BRPF3: variants seen among roughly 807,000 people sequenced by gnomAD.
BRPF3 encodes the protein bromodomain and PHD finger containing 3.
BRPF3 carries 18 observed loss-of-function variants against 102.0 expected under a neutral mutation model. The observed-to-expected ratio is 0.18, with a 90% CI of 0.12 to 0.26. The LOEUF is 0.26. BRPF3 is among the 10% of genes least tolerant of loss of function. The probability of loss-of-function intolerance (pLI) is 1.00; values close to 1 mark genes in which losing one functional copy is unlikely to be tolerated. For synonymous variants in BRPF3, 570 were observed against 614.2 expected (o/e 0.93, Z 1.06); for missense variants, 1,147 against 1,567.8 (o/e 0.73, Z 4.53).
intron 6 of BRPF3, 156 bp from the exon 7 acceptor site, chr6:36,211,102 T>A (rs1768089007): frequency 1.3e-6 from 1 of 796,214 alleles, no homozygotes; most frequent in Non-Finnish European, 2.0e-6. Context: ...TTCTGGGCAG[T>A]GGTGTTGCAG....
At chr6:36,211,960 A>G (rs897874936) in intron 7 of BRPF3, among the ~76,000 whole-genome samples, 6 of 152,170 alleles carry the variant, frequency 3.9e-5, no homozygotes, top group Admixed American at 6.5e-5. Flanking sequence ...ACCTTGTAAC[A>G]TCACGTGGAG....
At position 36,201,202 on chromosome 6, in the gene BRPF3, A is replaced by T. The variant is rs780116261; in HGVS notation, c.880A>T (p.Ile294Phe). The change falls in exon 2 of 13, where the codon ATC becomes TTC. Residue 294 changes from isoleucine to phenylalanine, a missense_variant. Coordinates refer to ENST00000357641, the MANE Select transcript of BRPF3 (RefSeq NM_015695.3). The surrounding 1 kb of genome is among the most constrained non-coding windows in gnomAD (Gnocchi z 5.1). ...GCACTGGGCCCATGTGGTGTGTGCC[A>T]TCTGGATCCCTGAAGTCTGCTTTGC... ...DGHWAHVVCA[I>F]WIPEVCFANT... 8 of 1,614,134 alleles carry T rather than the reference A, an allele frequency of 5.0e-6. No individual in the cohort carries two copies. The highest frequency in any genetic ancestry group is 1.1e-5 in the South Asian group (1 of 91,086).
chr6:36,214,470 A>G, intron 8 of BRPF3, 84 bp downstream of exon 8: 1 of 1,439,754 alleles, frequency 6.9e-7, no homozygotes, highest in Non-Finnish European at 9.2e-7. Context: ...CCAATTGGCC[A>G]TCTCTCTAAT....
At position 36,231,824 on chromosome 6, in the gene BRPF3, G is replaced by A. The variant is rs1421794627; in HGVS notation, c.*1215G>A. 1.3e-5 allele frequency: 2 copies of A among 152,576 alleles called. No individual in the cohort carries two copies. The highest frequency in any genetic ancestry group is 2.9e-5 in the Non-Finnish European group (2 of 68,042). 9.5% of individuals were successfully genotyped at this position (152,576 alleles called of 1,614,324 possible). On this transcript the variant is annotated 3_prime_UTR_variant, in exon 13 of 13. Coordinates refer to ENST00000357641, the MANE Select transcript of BRPF3 (RefSeq NM_015695.3). ...AAAAATGGAAGGAAAAAAAAACTGT[G>A]AATGGGGAATGCTGACTGACAAACC...
chr6:36,200,839 G>C lies in BRPF3; in HGVS notation c.517G>C (p.Val173Leu), dbSNP rs1257505884. Reference protein sequence around the residue: ...WLDMVNEKRRVDGHSLVSADT... With the variant: ...WLDMVNEKRRLDGHSLVSADT... ...GGACATGGTGAATGAAAAACGGCGA[G>C]TAGATGGGCACAGTTTGGTGTCTGC... The change falls in exon 2 of 13, where the codon GTA becomes CTA. Residue 173 changes from valine to leucine, a missense_variant. Val to Leu is a conservative substitution (Grantham distance 32). Coordinates refer to ENST00000357641, the MANE Select transcript of BRPF3 (RefSeq NM_015695.3). The surrounding 1 kb of genome is among the most constrained non-coding windows in gnomAD (Gnocchi z 5.3). 3 of 1,614,086 alleles carry C rather than the reference G, an allele frequency of 1.9e-6. No individual in the cohort carries two copies. Among genetic ancestry groups the C allele is most frequent in the Non-Finnish European group, 2.5e-6 (3 of 1,180,044 alleles).
At chr6:36,213,314 G>A (rs1561827433) in intron 7 of BRPF3, among the ~76,000 whole-genome samples, 1 of 152,220 alleles carries the variant, frequency 6.6e-6, no homozygotes, top group Non-Finnish European at 1.5e-5. Context: ...GTATGGGATG[G>A]AGCCTAGGCA....
intron 8 of BRPF3, among the ~76,000 whole-genome samples, chr6:36,215,100 T>G (rs771744002): frequency 6.6e-5 from 10 of 151,910 alleles, no homozygotes; most frequent in Non-Finnish European, 1.0e-4. Context: ...GTTCCATCAC[T>G]AAAGAGAGGG....
intron 11 of BRPF3, among the ~76,000 whole-genome samples, chr6:36,226,992 A>G (rs2127297550): frequency 6.6e-6 from 1 of 152,384 alleles, no homozygotes; most frequent in South Asian, 2.1e-4. Flanking sequence ...AATACCTCAC[A>G]ATGCAAAAAA....
At chr6:36,211,079 C>T (rs1768087775) in intron 6 of BRPF3, 179 bp from the exon 7 acceptor site, 1 of 673,506 alleles carries the variant, frequency 1.5e-6, no homozygotes. Context: ...CTGACCTTGC[C>T]CCTGTGGCTG....
chr6:36,212,403 G>A (rs1193216041), intron 7 of BRPF3, among the ~76,000 whole-genome samples: 1 of 151,994 alleles, frequency 6.6e-6, no homozygotes, highest in Non-Finnish European at 1.5e-5. Context: ...ATTTTAGGTT[G>A]GCAGAGAATG....
chr6:36,204,997 G>A (rs1767856259), intron 3 of BRPF3, among the ~76,000 whole-genome samples, 183 bp downstream of exon 3: 1 of 152,160 alleles, frequency 6.6e-6, no homozygotes, highest in Non-Finnish European at 1.5e-5. Flanking sequence ...GCTCCTTCTG[G>A]ATGGATGAGG....
At chr6:36,218,086 A>T in intron 9 of BRPF3, 76 bp downstream of exon 9, 5 of 1,272,602 alleles carry the variant, frequency 3.9e-6, no homozygotes, top group East Asian at 5.1e-5. Flanking sequence ...TACAGATTGA[A>T]CCTCTTCCTG....
chr6:36,199,260 C>T (rs976840697), intron 1 of BRPF3, among the ~76,000 whole-genome samples: 1 of 152,186 alleles, frequency 6.6e-6, no homozygotes, highest in Non-Finnish European at 1.5e-5. Context: ...CTACTGTGAA[C>T]TGCGCATGTG....
chr6:36,227,045 A>G (rs1453889908), intron 11 of BRPF3, among the ~76,000 whole-genome samples: 1 of 152,250 alleles, frequency 6.6e-6, no homozygotes, highest in African/African-American at 2.4e-5. Context: ...CCTCTTAATT[A>G]TACATTTTGT....
Position 36,200,775 on chromosome 6 carries a change from G to C in BRPF3, c.453G>C (p.Glu151Asp), listed in dbSNP as rs1024099176. 5 of 1,614,190 alleles carry C rather than the reference G, an allele frequency of 3.1e-6. No individual in the cohort carries two copies. Among genetic ancestry groups the C allele is most frequent in the Non-Finnish European group, 4.2e-6 (5 of 1,180,040 alleles). Residue 151 changes from glutamate (E) to aspartate (D), a missense_variant, in exon 2 of 13, where the codon GAG becomes GAC. Coordinates refer to ENST00000357641, the MANE Select transcript of BRPF3 (RefSeq NM_015695.3). This position sits in a 1 kb window ranked among gnomAD's most constrained non-coding sequence, Gnocchi z 5.3. ...IEKPPEDLDA[E>D]VEYDMDEEDL... ...AGCCACCTGAAGACCTGGATGCAGAGGTAGAGTATGACATGGATGAGGAGG... is the reference window on the plus strand; with the variant it reads ...AGCCACCTGAAGACCTGGATGCAGACGTAGAGTATGACATGGATGAGGAGG...
Position 36,213,892 on chromosome 6 carries a change from T to C in BRPF3, c.2495T>C (p.Leu832Pro), listed in dbSNP as rs1205765449. The change falls in exon 8 of 13, where the codon CTG (leucine) becomes CCG (proline). Residue 832 changes from leucine (L) to proline (P), a missense_variant. Around this residue, in one of 11 missense-constraint regions of BRPF3, gnomAD observed 379 missense variants for 426.3 expected, o/e 0.89. Coordinates refer to ENST00000357641, the MANE Select transcript of BRPF3 (RefSeq NM_015695.3). The part of the protein sequence containing the change: ...EDDGDRDDSK[L>P]PPPPTLEPTG... ...TTTTTTCTAATAGATGACTCCAAACTGCCTCCTCCGCCAACCCTGGAGCCC... is the reference window on the plus strand; with the variant it reads ...TTTTTTCTAATAGATGACTCCAAACCGCCTCCTCCGCCAACCCTGGAGCCC... 6.2e-7 allele frequency: 1 copy of C among 1,600,252 alleles called. No homozygotes were observed. Among genetic ancestry groups the C allele is most frequent in the East Asian group, 2.2e-5 (1 of 44,692 alleles).
In BRPF3 at chr6:36,200,470, C is replaced by G; in HGVS notation, c.148C>G (p.His50Asp). ...CGAGGTAGACATTGATGGACGCCTG[C>G]ATCGTATCAGCATCTATGACCCACT... ...IVEVDIDGRL[H>D]RISIYDPLKI... The change falls in exon 2 of 13, where the codon CAT (histidine) becomes GAT (aspartate). Residue 50 changes from histidine to aspartate, a missense_variant. His to Asp is a moderately conservative substitution (Grantham distance 81). Around this residue, in one of 11 missense-constraint regions of BRPF3, gnomAD observed 221 missense variants for 337.1 expected, o/e 0.66. Coordinates refer to ENST00000357641, the MANE Select transcript of BRPF3 (RefSeq NM_015695.3). The surrounding 1 kb of genome is among the most constrained non-coding windows in gnomAD (Gnocchi z 5.3). The G allele has an allele frequency of 6.2e-7, 1 of 1,614,258 alleles. No individual in the cohort carries two copies. Among genetic ancestry groups the G allele is most frequent in the Non-Finnish European group, 8.5e-7 (1 of 1,180,044 alleles).
rs185827777 is a variant in BRPF3, at chr6:36,230,696, C to G, written c.*87C>G. 1 of 1,446,518 alleles carries G rather than the reference C, an allele frequency of 6.9e-7. No homozygotes were observed. The highest frequency in any genetic ancestry group is 2.3e-5 in the Admixed American group (1 of 43,852). The allele number at this position is 1,446,518 out of a possible 1,614,324, so 89.6% of individuals were successfully genotyped here. On this transcript the variant is annotated 3_prime_UTR_variant, in exon 13 of 13. Coordinates refer to ENST00000357641, the MANE Select transcript of BRPF3 (RefSeq NM_015695.3). The surrounding 1 kb of genome is among the most constrained non-coding windows in gnomAD (Gnocchi z 5.4). ...CTTCTGCCCCTGCCAGATGTATGGC[C>G]GGCAGCTTCCCCCTCTCATGGTAGG...
At chr6:36,226,525 A>C (rs1361208774) in intron 11 of BRPF3, among the ~76,000 whole-genome samples, 1 of 152,222 alleles carries the variant, frequency 6.6e-6, no homozygotes, top group Non-Finnish European at 1.5e-5. Context: ...AGACTCTCTG[A>C]GGCCAGACTG....
Sources: gnomAD v4.1 joint callset for allele counts (sites outside exome capture counted in the v4.1 genomes callset) on GRCh38, gnomAD v4.1.1 for gene constraint, gnomAD v4.1.1 regional missense constraint, Gnocchi (gnomAD v3.1) non-coding constraint, MANE v1.5 for transcripts, NCBI Gene and HGNC (gene_info 2026-07-23, HGNC 2026-07-21) for gene names.